MGAT4C: variants seen among roughly 807,000 people sequenced by gnomAD.
The protein encoded by MGAT4C is MGAT4 family member C.
MGAT4C carries 19 observed loss-of-function variants against 40.1 expected under a neutral mutation model. The ratio of observed to expected loss-of-function variants is 0.47; its 90% CI spans 0.33 to 0.70. MGAT4C has a LOEUF of 0.70. Among genes scored for constraint, MGAT4C ranks in the 30% least tolerant of loss-of-function variants. The pLI is 0.02. For synonymous variants in MGAT4C, 181 were observed against 187.1 expected (o/e 0.97, Z 0.27); for missense variants, 491 against 563.2 (o/e 0.87, Z 1.30).
At chr12:86,562,034 G>GC (rs1959887213) in intron 2 of MGAT4C, among the ~76,000 whole-genome samples, 1 of 152,150 alleles carries the variant, frequency 6.6e-6, no homozygotes, top group African/African-American at 2.4e-5. Context: ...AAGGAGTTTA[G>GC]TGACTCTATA....
chr12:86,523,372 T>A, intron 2 of MGAT4C, among the ~76,000 whole-genome samples: 1 of 152,228 alleles, frequency 6.6e-6, no homozygotes, highest in East Asian at 1.9e-4. Flanking sequence ...AGGAGCAGGT[T>A]ATTCAATTTC....
chr12:86,788,097 TTATA>T (rs1555229730), intron 1 of MGAT4C, among the ~76,000 whole-genome samples: 1 of 151,478 alleles, frequency 6.6e-6, no homozygotes, highest in African/African-American at 2.4e-5. Flanking sequence ...ATGTATTTAC[TTATA>T]TATATATTTT....
chr12:86,052,307 T>C (rs977733357), intron 1 of MGAT4C, among the ~76,000 whole-genome samples: 4 of 151,714 alleles, frequency 2.6e-5, no homozygotes, highest in African/African-American at 9.7e-5. Flanking sequence ...TCTACAGAGA[T>C]AGTAATCTAA....
At chr12:86,042,791 CCAGAAGG>C (rs1334354888) in intron 2 of MGAT4C, among the ~76,000 whole-genome samples, 1 of 149,300 alleles carries the variant, frequency 6.7e-6, no homozygotes, top group Admixed American at 6.8e-5. Context: ...TGGTGTGAAT[CCAGAAGG>C]CAGAGCTTGC....
chr12:86,567,001 T>C (rs1191235827), intron 2 of MGAT4C, among the ~76,000 whole-genome samples: 2 of 152,016 alleles, frequency 1.3e-5, no homozygotes, highest in African/African-American at 4.8e-5. Context: ...TTCCCTATCA[T>C]CCTGAAGCAG....
intron 2 of MGAT4C, among the ~76,000 whole-genome samples, chr12:86,722,793 A>G (rs1950758430): frequency 6.6e-6 from 1 of 152,208 alleles, no homozygotes; most frequent in African/African-American, 2.4e-5. Flanking sequence ...CACCTCAAAA[A>G]TTAACTCTAG....
At chr12:86,511,894 G>A (rs1332349503) in intron 2 of MGAT4C, among the ~76,000 whole-genome samples, 1 of 151,958 alleles carries the variant, frequency 6.6e-6, no homozygotes, top group Non-Finnish European at 1.5e-5. Flanking sequence ...ATAAACCAGT[G>A]GGGCTACATC....
chr12:86,034,580 T>A (rs977956530), intron 2 of MGAT4C, among the ~76,000 whole-genome samples: 7 of 148,624 alleles, frequency 4.7e-5, no homozygotes, highest in East Asian at 1.9e-4. Context: ...TTGTTTTTTT[T>A]AAATTTTTTT....
intron 3 of MGAT4C, among the ~76,000 whole-genome samples, chr12:86,373,523 A>C (rs1320128423): frequency 6.6e-6 from 1 of 151,990 alleles, no homozygotes; most frequent in African/African-American, 2.4e-5. Flanking sequence ...CATTTGTTTA[A>C]ACATTAGATA....
chr12:86,144,862 G>A (rs1883309748), intron 1 of MGAT4C, among the ~76,000 whole-genome samples: 1 of 151,924 alleles, frequency 6.6e-6, no homozygotes, highest in African/African-American at 2.4e-5. Context: ...CAATTTTTAG[G>A]GGGTCTTTTA....
intron 1 of MGAT4C, among the ~76,000 whole-genome samples, chr12:86,100,551 TA>T (rs954132726): frequency 5.3e-5 from 8 of 151,550 alleles, no homozygotes; most frequent in Middle Eastern, 3.4e-3. Flanking sequence ...ATTTGTTAAT[TA>T]AAAAAATATA....
Position 85,971,624 on chromosome 12 carries a change from G to T in MGAT4C, c.*7665C>A, listed in dbSNP as rs1883626927. ...GAATAAACTTGACCTGTTTGTTCTA[G>T]TAAGTAAAAACACTAGATACGTACC... On this transcript the variant is annotated 3_prime_UTR_variant, in exon 5 of 5. Coordinates refer to ENST00000611864, the MANE Select transcript of MGAT4C (RefSeq NM_001351288.2). 1 of 151,136 alleles carries T rather than the reference G, an allele frequency of 6.6e-6. No individual in the cohort carries two copies. Among genetic ancestry groups the T allele is most frequent in the Admixed American group, 6.6e-5 (1 of 15,144 alleles). 9.4% of individuals were successfully genotyped at this position (151,136 alleles called of 1,614,324 possible).
intron 1 of MGAT4C, among the ~76,000 whole-genome samples, chr12:86,807,710 C>T (rs1952385522): frequency 6.6e-6 from 1 of 152,096 alleles, no homozygotes; most frequent in South Asian, 2.1e-4. Context: ...CACTGTCGTC[C>T]ATAATGGTTG....
At chr12:86,605,087 G>T (rs1325471070) in intron 2 of MGAT4C, among the ~76,000 whole-genome samples, 1 of 152,074 alleles carries the variant, frequency 6.6e-6, no homozygotes, top group Non-Finnish European at 1.5e-5. Flanking sequence ...GTGCTTCAGG[G>T]AATGTTTTGA....
At chr12:86,562,854 C>A (rs1177928462) in intron 2 of MGAT4C, among the ~76,000 whole-genome samples, 1 of 152,056 alleles carries the variant, frequency 6.6e-6, no homozygotes, top group Non-Finnish European at 1.5e-5. Flanking sequence ...TTGATATGGG[C>A]CTAACCAGGG....
At chr12:86,385,419 A>T (rs1956032129) in intron 3 of MGAT4C, among the ~76,000 whole-genome samples, 1 of 152,114 alleles carries the variant, frequency 6.6e-6, no homozygotes, top group Non-Finnish European at 1.5e-5. Flanking sequence ...GGCTCTGTTC[A>T]TGTCATGCCA....
rs563497217 is a variant in MGAT4C at position 86,463,120 on chromosome 12, C to T, written c.-228-27855G>A. On this transcript the variant is annotated intron_variant, in intron 2 of 7. Transcript: ENST00000548651. ...ATGGAGCCTACATCTGGAGCCCAGC[C>T]GGGACACCCTGTCCTTTTGTGTAGG... 2.9e-3 allele frequency among the ~76,000 whole-genome samples: 443 copies of T among 152,148 alleles called. 4 individuals are homozygous for T. Among genetic ancestry groups the T allele is most frequent in the South Asian group, 7.1e-3 (34 of 4,820 alleles).
At chr12:86,536,966 C>T (rs976385006) in intron 2 of MGAT4C, among the ~76,000 whole-genome samples, 3 of 152,162 alleles carry the variant, frequency 2.0e-5, no homozygotes, top group African/African-American at 7.2e-5. Context: ...TTGGAACCAA[C>T]CCAAATGTCC....
intron 1 of MGAT4C, among the ~76,000 whole-genome samples, chr12:86,797,680 G>A (rs2136199711): frequency 6.6e-6 from 1 of 151,620 alleles, no homozygotes; most frequent in South Asian, 2.1e-4. Context: ...TAATTATTTG[G>A]GTAATTTAAA....
Sources: allele counts gnomAD v4.1 joint callset (sites outside exome capture counted in the v4.1 genomes callset), GRCh38; gene constraint gnomAD v4.1.1; transcripts MANE v1.5; gene names NCBI Gene and HGNC (gene_info 2026-07-23, HGNC 2026-07-21).